The following EXOC3 variants were observed in gnomAD, a reference collection of about 807,000 sequenced individuals.
EXOC3 encodes exocyst complex component 3, also known as SEC6-like 1.
A neutral mutation model predicts 73.7 loss-of-function variants in EXOC3; 21 were observed. The ratio of observed to expected loss-of-function variants is 0.29; its 90% CI spans 0.20 to 0.41. The LOEUF (loss-of-function observed/expected upper bound fraction) is 0.41, where lower values mean the gene tolerates loss of function less well. Among genes scored for constraint, EXOC3 ranks in the 10% least tolerant of loss-of-function variants. EXOC3 has a pLI of 1.00. For missense variants in EXOC3, 842 were observed against 985.1 expected, an observed-to-expected ratio of 0.85 and a Z score of 1.95; for synonymous variants, 410 against 389.1, an observed-to-expected ratio of 1.05 and a Z score of -0.63.
chr5:465,580 C>T, intron 11 of EXOC3, 138 bp from the exon 12 acceptor site: 2 of 1,144,420 alleles, frequency 1.7e-6, no homozygotes, highest in South Asian at 1.5e-5. Flanking sequence ...GGCCCTGTCA[C>T]TGAGCTTTCA....
At chr5:455,043 G>GGCTCTCTGTGCAACCC (rs1553991845) in intron 4 of EXOC3, among the ~76,000 whole-genome samples, 61 of 151,470 alleles carry the variant, frequency 4.0e-4, no homozygotes, top group Non-Finnish European at 6.9e-4. Flanking sequence ...CTGTGCAACC[G>GGCTCTCTGTGCAACCC]TGGCGCTCTG....
chr5:459,486 G>T, intron 7 of EXOC3, 27 bp downstream of exon 7: 1 of 1,225,584 alleles, frequency 8.2e-7, no homozygotes. Context: ...GTGTGCTAAT[G>T]TACACATTGA....
At position 466,714 on chromosome 5, in the gene EXOC3, T is replaced by C; in HGVS notation, c.2067-13T>C. 1 of 1,606,874 alleles carries C rather than the reference T, an allele frequency of 6.2e-7. No homozygotes were observed. The highest frequency in any genetic ancestry group is 1.1e-5 in the South Asian group (1 of 90,578). Reference sequence around the variant, plus strand: ...TGCTAAGTGGGCATGGGCTGACATCTCCCCATCCCCAGGGATGACCACATC... The same window carrying C: ...TGCTAAGTGGGCATGGGCTGACATCCCCCCATCCCCAGGGATGACCACATC... On this transcript the variant is annotated splice_polypyrimidine_tract_variant and intron_variant, in intron 12 of 12. Transcript: ENST00000512944.
At chr5:464,486 ATC>A in intron 10 of EXOC3, 74 bp downstream of exon 10, 2 of 1,516,384 alleles carry the variant, frequency 1.3e-6, no homozygotes, top group Non-Finnish European at 1.8e-6. Flanking sequence ...AGAATTCAGC[ATC>A]CAGCGAGTCC....
chr5:457,170 T>G, intron 5 of EXOC3, 164 bp downstream of exon 5: 1 of 613,132 alleles, frequency 1.6e-6, no homozygotes, highest in Non-Finnish European at 2.9e-6. Context: ...CAGGTCAGTT[T>G]GCTAGAAGAG....
chr5:458,158 G>A (rs1484950047), intron 6 of EXOC3, 133 bp downstream of exon 6: 4 of 866,964 alleles, frequency 4.6e-6, no homozygotes, highest in East Asian at 2.7e-5. Context: ...GCCCTGCCTG[G>A]TGCATCTAAG....
At chr5:447,801 A>G (rs1285530038) in intron 3 of EXOC3, 49 bp downstream of exon 3, 1 of 1,329,572 alleles carries the variant, frequency 7.5e-7, no homozygotes, top group African/African-American at 1.5e-5. Flanking sequence ...CTGTCTTTGC[A>G]TGACTCACTG....
intron 12 of EXOC3, chr5:466,150 G>A (rs192844807): frequency 1.5e-4 from 60 of 395,916 alleles, no homozygotes; most frequent in Non-Finnish European, 2.7e-4. Flanking sequence ...TTTGGGCTGT[G>A]GAGTGGCCTC....
At chr5:464,478 A>T in intron 10 of EXOC3, 66 bp downstream of exon 10, 1 of 1,561,296 alleles carries the variant, frequency 6.4e-7, no homozygotes, top group Non-Finnish European at 8.8e-7. Flanking sequence ...CCCTGCTCAG[A>T]ATTCAGCATC....
Position 453,993 on chromosome 5 carries a change from G to C in EXOC3, c.988G>C (p.Asp330His). 2 of 1,613,724 alleles carry C rather than the reference G, an allele frequency of 1.2e-6. No homozygotes were observed. Among genetic ancestry groups the C allele is most frequent in the East Asian group, 2.2e-5 (1 of 44,882 alleles). The change falls in exon 4 of 13, where the codon GAC becomes CAC. Residue 330 changes from aspartate (D) to histidine (H), a missense_variant. Transcript: ENST00000512944. ...STRMQDLASE[D>H]LEANEIVSLL... The stretch of plus-strand genomic sequence containing the variant: ...GCGGATGCAGGACCTCGCATCGGAA[G>C]ACCTGGAAGCCAATGAGATCGTGAG...
chr5:455,711 C>T lies in EXOC3; in HGVS notation c.1047-1178C>T, dbSNP rs565772245. On this transcript the variant is annotated intron_variant, in intron 4 of 12. Transcript: ENST00000512944. ...AGGTGTATCCCGGCTTCACGCCATT[C>T]TCCTGCCTCAGCCTCCCGAGTACCT... Among the ~76,000 whole-genome samples, 9 of 152,366 alleles carry T rather than the reference C, an allele frequency of 5.9e-5. No individual in the cohort carries two copies. In the South Asian group the frequency reaches 1.9e-3, roughly 32 times the overall value.
chr5:453,603 G>T lies in EXOC3; in HGVS notation c.598G>T (p.Val200Phe), dbSNP rs1331662728. 6.2e-7 allele frequency: 1 copy of T among 1,613,874 alleles called. No individual in the cohort carries two copies. The highest frequency in any genetic ancestry group is 8.5e-7 in the Non-Finnish European group (1 of 1,179,900). Residue 200 changes from valine (V) to phenylalanine (F), a missense_variant, in exon 4 of 13, where the codon GTC becomes TTC. Val to Phe is a conservative substitution (Grantham distance 50). Coordinates refer to ENST00000512944, the MANE Select transcript of EXOC3 (RefSeq NM_007277.5). ...QLWMVLQRSL[V>F]TVRRDPTLLV... The stretch of plus-strand genomic sequence containing the variant: ...GTGGATGGTGCTGCAGAGGTCACTG[G>T]TCACTGTCCGCCGTGACCCCACCTT...
intron 1 of EXOC3, among the ~76,000 whole-genome samples, chr5:444,596 A>G (rs970319253): frequency 1.8e-5 from 2 of 112,094 alleles, no homozygotes; most frequent in African/African-American, 5.2e-5. Context: ...GTGCACCTAC[A>G]AAGTCATATA....
At position 462,014 on chromosome 5, in the gene EXOC3, C is replaced by G; in HGVS notation, c.1446C>G (p.His482Gln). 1 of 1,607,692 alleles carries G rather than the reference C, an allele frequency of 6.2e-7. No individual in the cohort carries two copies. Among genetic ancestry groups the G allele is most frequent in the Non-Finnish European group, 8.5e-7 (1 of 1,176,920 alleles). Residue 482 changes from histidine (H) to glutamine (Q), a missense_variant, in exon 8 of 13, where the codon CAC (histidine) becomes CAG (glutamine). His to Gln is a conservative substitution (Grantham distance 24). Transcript: ENST00000512944. ...YKEEHLRNRQHPHCYVQYMIA... is the reference protein window; with the variant it reads ...YKEEHLRNRQQPHCYVQYMIA... ...AAGAGCACCTGAGGAATCGGCAGCA[C>G]CCTCACTGCTACGTTCAGTACATGA...
intron 12 of EXOC3, chr5:466,439 G>C (rs1464554967): frequency 2.5e-6 from 1 of 394,034 alleles, no homozygotes; most frequent in South Asian, 6.0e-5. Context: ...CTGGTTAAAC[G>C]TGGAAAAACG....
Position 447,699 on chromosome 5 carries a change from T to C in EXOC3, c.311T>C (p.Val104Ala). Residue 104 changes from valine (V) to alanine (A), a missense_variant, in exon 3 of 13, where the codon GTG becomes GCG. Physicochemically the swap from Val to Ala is moderately conservative, Grantham distance 64. Transcript: ENST00000512944. ...CTCAAGGACGTCAAAGACGCCGTGGTGCAGCACAGCCAGCTCGCCGCAGCC... is the reference window on the plus strand; with the variant it reads ...CTCAAGGACGTCAAAGACGCCGTGGCGCAGCACAGCCAGCTCGCCGCAGCC... ...ESLKDVKDAV[V>A]QHSQLAAAVE... 1 of 1,590,076 alleles carries C rather than the reference T, an allele frequency of 6.3e-7. No individual in the cohort carries two copies. The highest frequency in any genetic ancestry group is 1.8e-5 in the Admixed American group (1 of 56,936).
At chr5:448,800 C>T (rs572099507) in intron 3 of EXOC3, among the ~76,000 whole-genome samples, 12 of 152,344 alleles carry the variant, frequency 7.9e-5, no homozygotes, top group South Asian at 4.1e-4. Context: ...CACCTTGTCC[C>T]GTTGCTTTGT....
chr5:454,462 G>GA (rs1737746609), intron 4 of EXOC3, among the ~76,000 whole-genome samples: 2 of 152,348 alleles, frequency 1.3e-5, no homozygotes, highest in South Asian at 4.1e-4. Flanking sequence ...CCCCACTGGG[G>GA]AGGAGACCAC....
Position 453,960 on chromosome 5 carries a change from C to G in EXOC3, c.955C>G (p.Leu319Val). ...KNLLNMYHQA[L>V]STRMQDLASE... ...CCTCCTGAACATGTACCACCAAGCCCTGAGCACGCGGATGCAGGACCTCGC... is the reference window on the plus strand; with the variant it reads ...CCTCCTGAACATGTACCACCAAGCCGTGAGCACGCGGATGCAGGACCTCGC... Residue 319 changes from leucine (L) to valine (V), a missense_variant, in exon 4 of 13, where the codon CTG becomes GTG. Leu to Val is a conservative substitution (Grantham distance 32). Coordinates refer to ENST00000512944, the MANE Select transcript of EXOC3 (RefSeq NM_007277.5). The G allele has an allele frequency of 6.2e-7, 1 of 1,614,026 alleles. No homozygotes were observed.
Sources: gnomAD v4.1 joint callset for allele counts (sites outside exome capture counted in the v4.1 genomes callset) on GRCh38, gnomAD v4.1.1 for gene constraint, MANE v1.5 for transcripts, NCBI Gene and HGNC (gene_info 2026-07-23, HGNC 2026-07-21) for gene names.